Variants in KLHDC4 observed in about 807,000 individuals in gnomAD.
KLHDC4 encodes the protein kelch domain-containing protein 4.
A neutral mutation model predicts 62.4 loss-of-function variants in KLHDC4; 90 were observed. The ratio of observed to expected loss-of-function variants is 1.44; its 90% CI spans 1.22 to 1.72. KLHDC4 has a LOEUF of 1.72. Among genes scored for constraint, KLHDC4 ranks in the 40% most tolerant of loss-of-function variants. The pLI, the probability that KLHDC4 is intolerant of heterozygous loss-of-function variation, is 0.00. For synonymous variants in KLHDC4, 386 were observed against 284.4 expected (o/e 1.36, Z -3.59); for missense variants, 1,025 against 699.7 (o/e 1.47, Z -5.25).
intron 5 of KLHDC4, among the ~76,000 whole-genome samples, chr16:87,735,786 G>A (rs1231677240): frequency 1.3e-5 from 2 of 152,164 alleles, no homozygotes; most frequent in African/African-American, 4.8e-5. Context: ...AAAATACAGG[G>A]GAATGTCGTG....
intron 5 of KLHDC4, among the ~76,000 whole-genome samples, chr16:87,745,241 TG>T (rs1012214851): frequency 1.3e-5 from 2 of 151,836 alleles, no homozygotes; most frequent in African/African-American, 4.8e-5. Flanking sequence ...ACACCCGCCC[TG>T]GGGCCGGCCA....
intron 2 of KLHDC4, among the ~76,000 whole-genome samples, chr16:87,761,737 G>C (rs1035287995): frequency 6.6e-6 from 1 of 152,208 alleles, no homozygotes; most frequent in Non-Finnish European, 1.5e-5. Context: ...CCCAGAGGCA[G>C]CAGCTGTGCT....
intron 5 of KLHDC4, among the ~76,000 whole-genome samples, chr16:87,747,978 C>A (rs577100557): frequency 6.2e-4 from 95 of 152,292 alleles, no homozygotes; most frequent in African/African-American, 2.0e-3. Flanking sequence ...GGGTCATGGC[C>A]GCAGCAATCG....
chr16:87,712,507 T>TC (rs2036097376), intron 8 of KLHDC4, among the ~76,000 whole-genome samples: 1 of 152,178 alleles, frequency 6.6e-6, no homozygotes, highest in Non-Finnish European at 1.5e-5. Flanking sequence ...CACGATGCTT[T>TC]CCTCCTGGGG....
intron 5 of KLHDC4, among the ~76,000 whole-genome samples, chr16:87,745,150 G>C (rs1284992555): frequency 6.6e-6 from 1 of 152,202 alleles, no homozygotes; most frequent in African/African-American, 2.4e-5. Context: ...ATTCCAATGA[G>C]CAGGTGCCAC....
intron 7 of KLHDC4, among the ~76,000 whole-genome samples, chr16:87,726,066 C>T (rs2039317935): frequency 6.6e-6 from 1 of 152,130 alleles, no homozygotes; most frequent in Non-Finnish European, 1.5e-5. Context: ...ATCTCTATTT[C>T]TAATTCTATA....
intron 7 of KLHDC4, among the ~76,000 whole-genome samples, chr16:87,716,386 C>T (rs1006421693): frequency 1.3e-5 from 2 of 152,160 alleles, no homozygotes; most frequent in African/African-American, 2.4e-5. Flanking sequence ...ACGCAGAGTT[C>T]GGCTATGCTC....
intron 5 of KLHDC4, among the ~76,000 whole-genome samples, chr16:87,745,865 C>T (rs527689328): frequency 1.3e-5 from 2 of 152,296 alleles, no homozygotes; most frequent in African/African-American, 4.8e-5. Context: ...CTGTGCGTCT[C>T]GTCAGGGTCT....
intron 5 of KLHDC4, among the ~76,000 whole-genome samples, chr16:87,737,599 T>C (rs866293681): frequency 0.019 from 2,851 of 151,512 alleles, 101 homozygotes; most frequent in African/African-American, 0.066. Flanking sequence ...TCTTTTTTTT[T>C]TTTTTTTTGA....
intron 2 of KLHDC4, among the ~76,000 whole-genome samples, chr16:87,760,062 T>C (rs548193357): frequency 1.3e-5 from 2 of 151,658 alleles, no homozygotes; most frequent in Non-Finnish European, 2.9e-5. Context: ...AAATAGGAAG[T>C]TGGAAGATAT....
At chr16:87,712,307 C>T (rs761833970) in intron 8 of KLHDC4, among the ~76,000 whole-genome samples, 2 of 152,100 alleles carry the variant, frequency 1.3e-5, no homozygotes, top group African/African-American at 2.4e-5. Flanking sequence ...AGCAAATGGA[C>T]GTATTCTGTG....
At chr16:87,725,184 G>T (rs1293406971) in intron 7 of KLHDC4, among the ~76,000 whole-genome samples, 1 of 152,156 alleles carries the variant, frequency 6.6e-6, no homozygotes, top group African/African-American at 2.4e-5. Flanking sequence ...GGGGAGGGTG[G>T]GCAGCGGGGC....
chr16:87,730,706 G>T (rs1003791737), intron 5 of KLHDC4, 62 bp from the exon 6 acceptor site: 2 of 1,431,614 alleles, frequency 1.4e-6, no homozygotes, highest in Admixed American at 2.0e-5. Flanking sequence ...TTCTAAAGAC[G>T]ACAACAACAA....
At chr16:87,718,703 G>A (rs918191935) in intron 7 of KLHDC4, among the ~76,000 whole-genome samples, 12 of 151,168 alleles carry the variant, frequency 7.9e-5, no homozygotes, top group African/African-American at 2.7e-4. Flanking sequence ...GGGATGTGAG[G>A]AGCCCCTCTG....
rs1183856981 is a variant in KLHDC4 at position 87,748,729 on chromosome 16, G to C, written c.450C>G (p.Tyr150Ter). 1 of 1,613,544 alleles carries C rather than the reference G, an allele frequency of 6.2e-7. No homozygotes were observed. Among genetic ancestry groups the C allele is most frequent in the Admixed American group, 1.7e-5 (1 of 59,926 alleles). Residue 150 changes from tyrosine to a stop codon, truncating the protein, a stop_gained, in exon 5 of 12, where the codon TAC (tyrosine) becomes TAG (stop). Transcript: ENST00000270583. LOFTEE classifies it high-confidence loss of function. The part of the protein sequence containing the change: ...EFASPNGEQF[Y>*]HYKDLWVLHL... ...GCAGGACCCAGAGATCCTTGTAGTGGTAGAACTGCTCTCCGTTGGGAGAGG... is the reference window on the plus strand; with the variant it reads ...GCAGGACCCAGAGATCCTTGTAGTGCTAGAACTGCTCTCCGTTGGGAGAGG...
intron 6 of KLHDC4, among the ~76,000 whole-genome samples, chr16:87,727,960 T>G (rs547926985): frequency 6.6e-6 from 1 of 152,164 alleles, no homozygotes; most frequent in African/African-American, 2.4e-5. Flanking sequence ...CTCAGGCAGG[T>G]AGATCACTTG....
chr16:87,748,852 A>G, intron 4 of KLHDC4, 43 bp from the exon 5 acceptor site: 1 of 1,608,858 alleles, frequency 6.2e-7, no homozygotes, highest in Non-Finnish European at 8.5e-7. Flanking sequence ...GCCACACAGC[A>G]GAAGGGCCAG....
At chr16:87,701,586 C>A (rs963429551) in exon 1 of KLHDC4, 13 of 417,578 alleles carry the variant, frequency 3.1e-5, no homozygotes, top group Non-Finnish European at 5.4e-5. Context: ...GCCCAGGCCG[C>A]TGGGTTTCTG....
chr16:87,760,068 G>A (rs944729805), intron 2 of KLHDC4, among the ~76,000 whole-genome samples: 1 of 152,084 alleles, frequency 6.6e-6, no homozygotes, highest in African/African-American at 2.4e-5. Flanking sequence ...GAAGTTGGAA[G>A]ATATTAAGGT....
Sources: allele counts gnomAD v4.1 joint callset (sites outside exome capture counted in the v4.1 genomes callset), GRCh38; gene constraint gnomAD v4.1.1; transcripts MANE v1.5; gene names NCBI Gene and HGNC (gene_info 2026-07-23, HGNC 2026-07-21).